Variants in SAXO1 observed in about 807,000 individuals in gnomAD.
SAXO1 encodes 4930500O09Rik.
In SAXO1, 21 loss-of-function variants were observed where a neutral mutation model predicts 17.5. The observed-to-expected ratio is 1.20, with a 90% CI of 0.85 to 1.72. The LOEUF (loss-of-function observed/expected upper bound fraction) is 1.72. Ranked by LOEUF, SAXO1 falls within the 40% of genes most tolerant of loss-of-function variation. The pLI, the probability that SAXO1 is intolerant of heterozygous loss-of-function variation, is 0.00. For missense variants in SAXO1, 843 were observed against 596.0 expected (o/e 1.41, Z -4.32); for synonymous variants, 274 against 216.5 (o/e 1.27, Z -2.33).
chr9:18,970,404 A>G (rs1401037027), intron 1 of SAXO1, among the ~76,000 whole-genome samples: 1 of 152,162 alleles, frequency 6.6e-6, no homozygotes, highest in Non-Finnish European at 1.5e-5. Context: ...ATGCTCAGGT[A>G]TTGGCTAGGA....
At chr9:19,036,254 T>TA (rs66796545), upstream of SAXO1, among the ~76,000 whole-genome samples, 1,576 of 119,768 alleles carry the variant, frequency 0.013, 11 homozygotes, top group African/African-American at 0.014. Context: ...TAAAGTATAA[T>TA]AAAAAAAAAA....
At chr9:19,005,723 A>G (rs2130971682) in intron 1 of SAXO1, among the ~76,000 whole-genome samples, 2 of 152,334 alleles carry the variant, frequency 1.3e-5, no homozygotes, top group East Asian at 1.9e-4. Context: ...TTTGGCAATG[A>G]TTTCTTGGCT....
intron 1 of SAXO1, among the ~76,000 whole-genome samples, chr9:19,023,224 C>T (rs1484690318): frequency 7.1e-6 from 1 of 141,754 alleles, no homozygotes; most frequent in African/African-American, 2.6e-5. Context: ...AATCCTAACT[C>T]TCTTCTCTAG....
intron 1 of SAXO1, among the ~76,000 whole-genome samples, chr9:19,040,498 G>T (rs892294097): frequency 2.0e-5 from 3 of 151,974 alleles, no homozygotes; most frequent in Non-Finnish European, 4.4e-5. Context: ...CAAAAAATTA[G>T]CCAAGCATAG....
rs184527008 is a variant in SAXO1 at position 18,998,182 on chromosome 9, G to A, written c.38+34689C>T. On this transcript the variant is annotated intron_variant, in intron 1 of 3. Coordinates refer to ENST00000380534, the MANE Select transcript of SAXO1 (RefSeq NM_153707.4). ...AAACTTCTCCCAGCTAAAGGAGTATGTTCTAAACCATCACAAGGAAGCTAA... is the reference window on the plus strand; with the variant it reads ...AAACTTCTCCCAGCTAAAGGAGTATATTCTAAACCATCACAAGGAAGCTAA... 3.2e-4 allele frequency among the ~76,000 whole-genome samples: 49 copies of A among 152,208 alleles called. 1 individual carries two copies. Among genetic ancestry groups the A allele is most frequent in the Non-Finnish European group, 4.3e-4 (29 of 68,010 alleles).
At chr9:19,012,395 G>C (rs1036616552) in intron 1 of SAXO1, among the ~76,000 whole-genome samples, 1 of 152,236 alleles carries the variant, frequency 6.6e-6, no homozygotes, top group Non-Finnish European at 1.5e-5. Context: ...CCTTAGGTCT[G>C]AATTATTAAA....
At chr9:18,952,749 C>A (rs765157707) in intron 1 of SAXO1, among the ~76,000 whole-genome samples, 3 of 152,118 alleles carry the variant, frequency 2.0e-5, no homozygotes, top group Non-Finnish European at 2.9e-5. Flanking sequence ...ATATGCTGTC[C>A]TTATAGTATA....
chr9:18,975,207 AG>A (rs1352286957), intron 1 of SAXO1, among the ~76,000 whole-genome samples: 2 of 6,862 alleles, frequency 2.9e-4, no homozygotes, highest in Non-Finnish European at 1.1e-3. Flanking sequence ...AGGAGGCTGC[AG>A]GCTGGGGAAG....
At position 18,950,868 on chromosome 9, in the gene SAXO1, T is replaced by C. The variant is rs752389247; in HGVS notation, c.108A>G (p.Glu36=). Residue 36 remains glutamate (E), a synonymous_variant, in exon 2 of 4, where the codon GAA becomes GAG. Transcript: ENST00000380534. The part of the protein sequence containing the change: ...DKTEKPCLLS[E]YTENYPFYHS... ...GATAGAAAGGGTAGTTCTCGGTATA[T>C]TCGGAGAGAAGACATGGTTTCTCTG... is the stretch of plus-strand genomic sequence containing the variant. 4 of 1,613,582 alleles carry C rather than the reference T, an allele frequency of 2.5e-6. No homozygotes were observed. The African/African-American group carries it at 4.0e-5, about 16-fold the overall frequency.
rs73435306 is a variant in SAXO1, at chr9:19,033,126, C to A, written c.-218G>T. On this transcript the variant is annotated 5_prime_UTR_variant, in exon 1 of 4. Coordinates refer to ENST00000380534, the MANE Select transcript of SAXO1 (RefSeq NM_153707.4). ...GCGAGGTAGCAGCAGGGGGCTTGCA[C>A]GCGCGCCAGCCCGGGAGACCTCACC... is the stretch of plus-strand genomic sequence containing the variant. 1 of 488,192 alleles carries A rather than the reference C, an allele frequency of 2.0e-6. No homozygotes were observed. Among genetic ancestry groups the A allele is most frequent in the Non-Finnish European group, 3.6e-6 (1 of 278,638 alleles). 30.2% of individuals were successfully genotyped at this position (488,192 alleles called of 1,614,324 possible).
intron 1 of SAXO1, among the ~76,000 whole-genome samples, chr9:19,044,067 C>T (rs1429668153): frequency 6.6e-6 from 1 of 150,928 alleles, no homozygotes; most frequent in East Asian, 2.0e-4. Flanking sequence ...ATCACTTGAA[C>T]CCAGGAGGTA....
intron 1 of SAXO1, among the ~76,000 whole-genome samples, chr9:19,044,277 C>A (rs1284533826): frequency 6.6e-6 from 1 of 152,134 alleles, no homozygotes; most frequent in African/African-American, 2.4e-5. Context: ...AATATATACA[C>A]CTACTATGTA....
intron 1 of SAXO1, among the ~76,000 whole-genome samples, chr9:18,974,656 G>T (rs1460560265): frequency 6.6e-6 from 1 of 152,154 alleles, no homozygotes; most frequent in Non-Finnish European, 1.5e-5. Flanking sequence ...GATAGTAATA[G>T]GTTATAACCC....
chr9:18,962,700 T>C (rs1352327674), intron 1 of SAXO1, among the ~76,000 whole-genome samples: 1 of 152,220 alleles, frequency 6.6e-6, no homozygotes, highest in Non-Finnish European at 1.5e-5. Context: ...ATTCTGGGTA[T>C]TAGCCCTTTG....
chr9:18,979,345 G>A (rs1437266984), intron 1 of SAXO1, among the ~76,000 whole-genome samples: 8 of 152,208 alleles, frequency 5.3e-5, no homozygotes, highest in Admixed American at 5.2e-4. Flanking sequence ...TTGTTTTCAT[G>A]TGAGGGTAGA....
Position 18,938,982 on chromosome 9 carries a change from G to A in SAXO1, c.421+2655C>T, listed in dbSNP as rs188437449. ...GACAAGCAAGGAGCATTTTTCACTC[G>A]CAGACCTCTCCCTGCACCTAGGGCA... is the stretch of plus-strand genomic sequence containing the variant. On this transcript the variant is annotated intron_variant, in intron 3 of 3. Transcript: ENST00000380534. Among the ~76,000 whole-genome samples, 27 of 151,842 alleles carry A rather than the reference G, an allele frequency of 1.8e-4. No individual in the cohort carries two copies. The East Asian group carries it at 3.7e-3, about 21-fold the overall frequency.
chr9:18,944,044 G>T (rs938646140), intron 2 of SAXO1, among the ~76,000 whole-genome samples: 3 of 152,226 alleles, frequency 2.0e-5, no homozygotes, highest in Non-Finnish European at 2.9e-5. Context: ...GCAGACAAAA[G>T]CCCAAAACCA....
chr9:18,984,892 C>A (rs1009860231), intron 1 of SAXO1, among the ~76,000 whole-genome samples: 2 of 152,164 alleles, frequency 1.3e-5, no homozygotes, highest in Non-Finnish European at 2.9e-5. Flanking sequence ...TTTCAATATG[C>A]CCTTAACTAA....
intron 1 of SAXO1, among the ~76,000 whole-genome samples, chr9:18,980,528 C>T (rs1180241818): frequency 2.4e-5 from 2 of 81,822 alleles, no homozygotes; most frequent in African/African-American, 8.2e-5. Flanking sequence ...AAGGTAGTGG[C>T]GGGGGGAGGG....
Sources: gnomAD v4.1 joint callset for allele counts (sites outside exome capture counted in the v4.1 genomes callset) on GRCh38, gnomAD v4.1.1 for gene constraint, MANE v1.5 for transcripts, NCBI Gene and HGNC (gene_info 2026-07-23, HGNC 2026-07-21) for gene names.